TSC22D2: variants seen among roughly 807,000 people sequenced by gnomAD.
TSC22D2 encodes the protein TSC22 domain family protein 2.
TSC22D2 carries 5 observed loss-of-function variants against 50.1 expected under a neutral mutation model. That is an observed-to-expected ratio of 0.10 (90% CI 0.05 to 0.21). TSC22D2 has a LOEUF of 0.21. TSC22D2 is among the 10% of genes least tolerant of loss of function. The pLI, the probability that TSC22D2 is intolerant of heterozygous loss-of-function variation, is 1.00. For synonymous variants in TSC22D2, 501 were observed against 450.1 expected, an observed-to-expected ratio of 1.11 and a Z score of -1.43; for missense variants, 1,003 against 1,015.5, an observed-to-expected ratio of 0.99 and a Z score of 0.17.
intron 1 of TSC22D2, among the ~76,000 whole-genome samples, chr3:150,417,127 T>G (rs993177289): frequency 2.0e-5 from 3 of 152,158 alleles, no homozygotes; most frequent in Admixed American, 6.5e-5. Flanking sequence ...ACTTAAAGCT[T>G]CTTTTCCCAT....
chr3:150,453,895 A>G (rs749257287), intron 1 of TSC22D2, among the ~76,000 whole-genome samples: 8 of 152,154 alleles, frequency 5.3e-5, no homozygotes, highest in African/African-American at 1.9e-4. Context: ...TAGTATTACA[A>G]TACTCAAAGT....
At chr3:150,427,608 C>G (rs1036851318) in intron 1 of TSC22D2, among the ~76,000 whole-genome samples, 3 of 151,938 alleles carry the variant, frequency 2.0e-5, no homozygotes, top group Non-Finnish European at 4.4e-5. Context: ...GTGACCAACC[C>G]CAATATATTC....
At chr3:150,413,745 C>T (rs1719682299) in intron 1 of TSC22D2, among the ~76,000 whole-genome samples, 1 of 151,846 alleles carries the variant, frequency 6.6e-6, no homozygotes, top group Non-Finnish European at 1.5e-5. Context: ...TGGGTTGCCG[C>T]CTTAAAATCT....
At chr3:150,436,159 T>A (rs1376872160) in intron 1 of TSC22D2, among the ~76,000 whole-genome samples, 2 of 152,166 alleles carry the variant, frequency 1.3e-5, no homozygotes, top group African/African-American at 4.8e-5. Context: ...ATATATAACT[T>A]TTGTATCTTT....
At chr3:150,456,627 A>G (rs79847454) in intron 1 of TSC22D2, among the ~76,000 whole-genome samples, 1 of 113,044 alleles carries the variant, frequency 8.8e-6, no homozygotes, top group African/African-American at 3.3e-5. Context: ...GAGGGACTAG[A>G]AAAAAAAAAG....
chr3:150,438,871 A>G (rs1232870616), intron 1 of TSC22D2, among the ~76,000 whole-genome samples: 1 of 152,164 alleles, frequency 6.6e-6, no homozygotes, highest in Non-Finnish European at 1.5e-5. Flanking sequence ...TAAGATGCCA[A>G]TATCATATGA....
chr3:150,446,359 G>A (rs1379991083), intron 1 of TSC22D2, among the ~76,000 whole-genome samples: 1 of 152,130 alleles, frequency 6.6e-6, no homozygotes, highest in Admixed American at 6.5e-5. Flanking sequence ...AGTGAAAAAT[G>A]TAATCCTTGG....
Position 150,459,572 on chromosome 3 carries a change from G to GTTTTTTTTTTTTTTTTTTTT in TSC22D2, c.*949_*950insTTTTTTTTTTTTTTTTTTTT, listed in dbSNP as rs11330414. The GTTTTTTTTTTTTTTTTTTTT allele has an allele frequency of 6.1e-5, 7 of 115,556 alleles. No homozygotes were observed. The highest frequency in any genetic ancestry group is 1.8e-4 in the Admixed American group (2 of 11,360). The allele number at this position is 115,556 out of a possible 1,614,324, so 7.2% of individuals were successfully genotyped here. A position where few individuals can be genotyped will look rare whatever the true frequency, so the allele number is the denominator to read the frequency against. On this transcript the variant is annotated 3_prime_UTR_variant, in exon 3 of 3. Transcript: ENST00000688009. ...TAATGGAGTTTGGTTTTTTTTTGTT[G>GTTTTTTTTTTTTTTTTTTTT]TTTTTTTTTTTTTGTCTTTTTTTTT...
chr3:150,409,508 G>A lies in TSC22D2; in HGVS notation c.158G>A (p.Arg53Gln). Residue 53 changes from arginine (R) to glutamine (Q), a missense_variant, in exon 1 of 3, where the codon CGG (arginine) becomes CAG (glutamine). Arg to Gln is a conservative substitution (Grantham distance 43). Around this residue, in one of 6 missense-constraint regions of TSC22D2, gnomAD observed 200 missense variants for 182.8 expected, o/e 1.09. Transcript: ENST00000688009. The surrounding 1 kb of genome is among the most constrained non-coding windows in gnomAD (Gnocchi z 7.4). ...DVSSEIFDVS[R>Q]ATDYGPEEVC... The stretch of plus-strand genomic sequence containing the variant: ...TCCTCCGAGATTTTCGACGTCTCTC[G>A]GGCCACGGATTATGGCCCTGAGGAG... 6.2e-7 allele frequency: 1 copy of A among 1,613,036 alleles called. No homozygotes were observed. The highest frequency in any genetic ancestry group is 8.5e-7 in the Non-Finnish European group (1 of 1,179,570).
chr3:150,408,930 C>A lies in TSC22D2; in HGVS notation c.-421C>A. On this transcript the variant is annotated 5_prime_UTR_variant, in exon 1 of 3. Transcript: ENST00000688009. ...ACCGCCTCCTCCTCCTCCTCTTCGC[C>A]CTCCCACTCCCACCCCCAGCCAAGG... 5.9e-6 allele frequency: 1 copy of A among 169,710 alleles called. No individual in the cohort carries two copies. Among genetic ancestry groups the A allele is most frequent in the Admixed American group, 5.9e-5 (1 of 16,968 alleles). 10.5% of individuals were successfully genotyped at this position (169,710 alleles called of 1,614,324 possible).
intron 1 of TSC22D2, among the ~76,000 whole-genome samples, chr3:150,449,735 A>T (rs929913430): frequency 7.9e-5 from 12 of 152,158 alleles, no homozygotes; most frequent in Non-Finnish European, 1.3e-4. Flanking sequence ...TCCAAGATGA[A>T]TGATTGCTGG....
chr3:150,456,640 A>G (rs1025596072), intron 1 of TSC22D2, among the ~76,000 whole-genome samples: 11 of 152,122 alleles, frequency 7.2e-5, no homozygotes, highest in African/African-American at 2.7e-4. Flanking sequence ...AAAAAAAGTC[A>G]AGCCATCATC....
chr3:150,464,485 T>C lies in TSC22D2; in HGVS notation c.*5849T>C, dbSNP rs1250184105. 1.3e-5 allele frequency: 2 copies of C among 152,218 alleles called. No homozygotes were observed. The highest frequency in any genetic ancestry group is 2.9e-5 in the Non-Finnish European group (2 of 68,038). The allele number at this position is 152,218 out of a possible 1,614,324, so 9.4% of individuals were successfully genotyped here. ...TCAATTTAGGTGCTGCAACCTGTAC[T>C]GGATGTTTGGGGATAGAAAGATGAA... On this transcript the variant is annotated 3_prime_UTR_variant, in exon 3 of 3. Transcript: ENST00000688009.
At chr3:150,457,729 A>G (rs1576560755) in intron 2 of TSC22D2, among the ~76,000 whole-genome samples, 1 of 152,162 alleles carries the variant, frequency 6.6e-6, no homozygotes, top group African/African-American at 2.4e-5. Flanking sequence ...TCCACCTCCC[A>G]GGTTCAAGTG....
At chr3:150,413,773 A>G (rs1719683396) in intron 1 of TSC22D2, among the ~76,000 whole-genome samples, 1 of 152,070 alleles carries the variant, frequency 6.6e-6, no homozygotes, top group Non-Finnish European at 1.5e-5. Context: ...TTCAAATTTG[A>G]AATAAAACCA....
chr3:150,449,593 C>G (rs1720981257), intron 1 of TSC22D2, among the ~76,000 whole-genome samples: 1 of 152,114 alleles, frequency 6.6e-6, no homozygotes, highest in Admixed American at 6.6e-5. Context: ...TTAATAGATG[C>G]ATACTATTTA....
intron 1 of TSC22D2, 195 bp from the exon 2 acceptor site, chr3:150,456,881 A>G (rs1053080650): frequency 1.8e-6 from 1 of 569,276 alleles, no homozygotes; most frequent in Non-Finnish European, 3.1e-6. Context: ...AAGGACCTGT[A>G]GAAATCATCT....
Position 150,410,158 on chromosome 3 carries a change from A to G in TSC22D2, c.808A>G (p.Ser270Gly), listed in dbSNP as rs1719466780. ...QPTPAQPQSF[S>G]VGQPQPPPPP... is the part of the protein sequence containing the mutation. ...CACTCCGGCCCAGCCGCAGAGTTTT[A>G]GCGTTGGGCAGCCACAGCCGCCGCC... The change falls in exon 1 of 3, where the codon AGC becomes GGC. Residue 270 changes from serine (S) to glycine (G), a missense_variant. By Grantham distance (56) the Ser-to-Gly change is moderately conservative. Around this residue, in one of 6 missense-constraint regions of TSC22D2, gnomAD observed 696 missense variants for 647.8 expected, o/e 1.07. Coordinates refer to ENST00000688009, the MANE Select transcript of TSC22D2 (RefSeq NM_001303264.2). 1 of 1,610,574 alleles carries G rather than the reference A, an allele frequency of 6.2e-7. No homozygotes were observed. Among genetic ancestry groups the G allele is most frequent in the East Asian group, 2.2e-5 (1 of 44,802 alleles).
chr3:150,464,016 A>T lies in TSC22D2; in HGVS notation c.*5380A>T, dbSNP rs1721488696. ...AACATTGTCCACAGAAGCCATATTT[A>T]TCCCCTTGGAGGGAAGGGAAAGGTG... On this transcript the variant is annotated 3_prime_UTR_variant, in exon 3 of 3. Coordinates refer to ENST00000688009, the MANE Select transcript of TSC22D2 (RefSeq NM_001303264.2). 1 of 152,206 alleles carries T rather than the reference A, an allele frequency of 6.6e-6. No homozygotes were observed. The highest frequency in any genetic ancestry group is 1.5e-5 in the Non-Finnish European group (1 of 68,046). 9.4% of individuals were successfully genotyped at this position (152,206 alleles called of 1,614,324 possible).
Sources: gnomAD v4.1 joint callset for allele counts (sites outside exome capture counted in the v4.1 genomes callset) on GRCh38, gnomAD v4.1.1 for gene constraint, gnomAD v4.1.1 regional missense constraint, Gnocchi (gnomAD v3.1) non-coding constraint, MANE v1.5 for transcripts, NCBI Gene and HGNC (gene_info 2026-07-23, HGNC 2026-07-21) for gene names.